Variants in PRDM2 observed in about 807,000 individuals in gnomAD.
PRDM2 encodes the protein PR domain zinc finger protein 2.
A neutral mutation model predicts 130.0 loss-of-function variants in PRDM2; 30 were observed. The observed-to-expected ratio is 0.23, with a 90% CI of 0.17 to 0.31. The LOEUF (loss-of-function observed/expected upper bound fraction) is 0.31. Ranked by LOEUF, PRDM2 falls within the 10% of genes least tolerant of loss-of-function variation. The probability of loss-of-function intolerance (pLI) is 1.00; values close to 1 mark genes in which losing one functional copy is unlikely to be tolerated. For missense variants in PRDM2, 2,011 were observed against 2,108.4 expected (o/e 0.95, Z 0.90); for synonymous variants, 871 against 782.4 (o/e 1.11, Z -1.89).
intron 9 of PRDM2, among the ~76,000 whole-genome samples, chr1:13,821,163 T>TTAATAATAATAA (rs113961715): frequency 8.6e-5 from 13 of 151,972 alleles, no homozygotes; most frequent in East Asian, 5.8e-4. Flanking sequence ...GCGAAATGGG[T>TTAATAATAATAA]TAATAATAAT....
At chr1:13,818,962 A>T (rs944756706) in intron 9 of PRDM2, among the ~76,000 whole-genome samples, 1 of 152,132 alleles carries the variant, frequency 6.6e-6, no homozygotes, top group African/African-American at 2.4e-5. Context: ...TACAGATGGA[A>T]AAATTGAGGC....
chr1:13,821,275 G>GTATTAT (rs1005719497), intron 9 of PRDM2, among the ~76,000 whole-genome samples: 5 of 151,536 alleles, frequency 3.3e-5, no homozygotes, highest in Non-Finnish European at 5.9e-5. Flanking sequence ...TAAACAACTG[G>GTATTAT]TATTATTATT....
chr1:13,754,323 C>T (rs1569876394), intron 6 of PRDM2, among the ~76,000 whole-genome samples: 1 of 152,138 alleles, frequency 6.6e-6, no homozygotes, highest in Non-Finnish European at 1.5e-5. Context: ...GCATCCTCCT[C>T]CAGTGCGGAG....
At chr1:13,756,294 G>A (rs923480021) in intron 6 of PRDM2, among the ~76,000 whole-genome samples, 13 of 151,782 alleles carry the variant, frequency 8.6e-5, no homozygotes, top group African/African-American at 3.1e-4. Context: ...TGAGGGCTTG[G>A]ATAAATATCC....
chr1:13,786,669 C>T, intron 8 of PRDM2: 2 of 1,522,826 alleles, frequency 1.3e-6, no homozygotes, highest in Non-Finnish European at 1.8e-6. Flanking sequence ...TAACATTCAG[C>T]TGATTGCCGG....
chr1:13,755,272 A>T (rs1036569009), intron 6 of PRDM2, among the ~76,000 whole-genome samples: 2 of 152,172 alleles, frequency 1.3e-5, no homozygotes, highest in Non-Finnish European at 2.9e-5. Flanking sequence ...TTTTCAAAGC[A>T]TTTTGCAAAT....
chr1:13,785,657 T>C (rs1160569086), intron 8 of PRDM2, among the ~76,000 whole-genome samples: 4 of 145,920 alleles, frequency 2.7e-5, no homozygotes, highest in Non-Finnish European at 6.0e-5. Context: ...CAGCTCTTAC[T>C]ACAGTGACCC....
At chr1:13,805,203 A>T (rs1233051958) in intron 8 of PRDM2, among the ~76,000 whole-genome samples, 1 of 152,150 alleles carries the variant, frequency 6.6e-6, no homozygotes, top group Non-Finnish European at 1.5e-5. Context: ...TGATGCGATG[A>T]TGTTTTTTTC....
chr1:13,747,334 T>C (rs1051096955), intron 5 of PRDM2, among the ~76,000 whole-genome samples: 1 of 152,182 alleles, frequency 6.6e-6, no homozygotes, highest in African/African-American at 2.4e-5. Context: ...AACAAAAAAA[T>C]AGAGAAAGTA....
rs375478319 is a variant in PRDM2 at position 13,782,125 on chromosome 1, G to A, written c.4330G>A (p.Ala1444Thr). The change falls in exon 8 of 10, where the codon GCC (alanine) becomes ACC (threonine). Residue 1444 changes from alanine (A) to threonine (T), a missense_variant. Transcript: ENST00000311066. ...GAAAAACAAATCTGCAAAGCAGAAG[G>A]CCGACTTGAAAAATGCTTGTGAGTC... The part of the protein sequence containing the change: ...LQKNKSAKQK[A>T]DLKNACESSS... 3.1e-6 allele frequency: 5 copies of A among 1,613,910 alleles called. No homozygotes were observed. Among genetic ancestry groups the A allele is most frequent in the African/African-American group, 1.3e-5 (1 of 75,010 alleles).
At chr1:13,807,242 C>T (rs1475447657) in intron 8 of PRDM2, among the ~76,000 whole-genome samples, 1 of 152,182 alleles carries the variant, frequency 6.6e-6, no homozygotes, top group Non-Finnish European at 1.5e-5. Context: ...ATGTAGAGAA[C>T]TTGACTTGTT....
chr1:13,731,627 C>T (rs918739477), intron 3 of PRDM2, among the ~76,000 whole-genome samples: 1 of 152,158 alleles, frequency 6.6e-6, no homozygotes, highest in African/African-American at 2.4e-5. Flanking sequence ...GTGAGTGTAT[C>T]TAAATTCTTC....
At chr1:13,769,382 C>T in intron 6 of PRDM2, among the ~76,000 whole-genome samples, 1 of 152,180 alleles carries the variant, frequency 6.6e-6, no homozygotes. Context: ...CCGCCTGTTG[C>T]TGCAATATTT....
At chr1:13,813,574 G>A (rs1224337791) in intron 8 of PRDM2, among the ~76,000 whole-genome samples, 1 of 152,218 alleles carries the variant, frequency 6.6e-6, no homozygotes, top group African/African-American at 2.4e-5. Context: ...TCCGTGAAAG[G>A]GGTATAAAAG....
chr1:13,790,275 C>T (rs1644818214), intron 8 of PRDM2, among the ~76,000 whole-genome samples: 1 of 152,136 alleles, frequency 6.6e-6, no homozygotes, highest in Non-Finnish European at 1.5e-5. Context: ...TGCTTTAGGC[C>T]TCGCAGTGCT....
chr1:13,749,654 C>T (rs1378924273), intron 6 of PRDM2, among the ~76,000 whole-genome samples, 167 bp downstream of exon 6: 1 of 151,390 alleles, frequency 6.6e-6, no homozygotes, highest in Non-Finnish European at 1.5e-5. Flanking sequence ...TGCCCCGGCC[C>T]CGCTCCCGCC....
chr1:13,710,577 G>A lies in PRDM2; in HGVS notation c.-65-4964G>A, dbSNP rs531394348. Among the ~76,000 whole-genome samples the A allele has an allele frequency of 1.1e-3, 170 of 152,292 alleles. 1 individual carries two copies. Among genetic ancestry groups the A allele is most frequent in the African/African-American group, 3.9e-3 (164 of 41,556 alleles). On this transcript the variant is annotated intron_variant, in intron 1 of 9. Coordinates refer to ENST00000311066, the MANE Select transcript of PRDM2 (RefSeq NM_001393986.1). ...AAGCTCTTATTTTCTAAGAGTGCAT[G>A]CTCTTCTGGGACTGATAAATATTAA... is the stretch of plus-strand genomic sequence containing the variant.
intron 8 of PRDM2, chr1:13,783,058 A>T: frequency 1.0e-6 from 1 of 965,326 alleles, no homozygotes; most frequent in Non-Finnish European, 1.5e-6. Flanking sequence ...CACTTCTTTA[A>T]TGTGGCCAGA....
chr1:13,788,069 C>G (rs1318772934), intron 8 of PRDM2: 3 of 976,962 alleles, frequency 3.1e-6, no homozygotes, highest in Middle Eastern at 5.2e-4. Flanking sequence ...CAATAAAAAA[C>G]TTTCTAAACA....
Sources: allele counts gnomAD v4.1 joint callset (sites outside exome capture counted in the v4.1 genomes callset), GRCh38; gene constraint gnomAD v4.1.1; transcripts MANE v1.5; gene names NCBI Gene and HGNC (gene_info 2026-07-23, HGNC 2026-07-21).